Variants in ALX4 observed in about 807,000 individuals in gnomAD.
The protein encoded by ALX4 is homeobox protein aristaless-like 4.
Under a neutral mutation model 40.6 loss-of-function variants are expected in ALX4, and 22 were observed. The observed-to-expected ratio is 0.54, with a 90% CI of 0.39 to 0.77. ALX4 has a LOEUF of 0.77. ALX4 is among the 30% of genes least tolerant of loss of function. ALX4 has a pLI of 0.00. For missense variants in ALX4, 556 were observed against 564.8 expected, an observed-to-expected ratio of 0.98 and a Z score of 0.16; for synonymous variants, 266 against 240.5, an observed-to-expected ratio of 1.11 and a Z score of -0.98.
intron 1 of ALX4, among the ~76,000 whole-genome samples, chr11:44,287,694 T>A (rs568759679): frequency 6.6e-6 from 1 of 151,924 alleles, no homozygotes; most frequent in South Asian, 2.1e-4. Flanking sequence ...TGGGCCCTCC[T>A]GGGGTGGATG....
chr11:44,307,144 A>T (rs1239573659), intron 1 of ALX4, among the ~76,000 whole-genome samples: 4 of 139,178 alleles, frequency 2.9e-5, no homozygotes, highest in Admixed American at 2.8e-4. Flanking sequence ...TCGGAGATAG[A>T]TAGGGATGGA....
intron 1 of ALX4, among the ~76,000 whole-genome samples, chr11:44,285,629 T>C (rs1318965864): frequency 6.6e-6 from 1 of 152,152 alleles, no homozygotes; most frequent in Non-Finnish European, 1.5e-5. Flanking sequence ...ATGGTCATTA[T>C]AGTGTTTTTA....
chr11:44,289,702 C>T (rs1956358636), intron 1 of ALX4, among the ~76,000 whole-genome samples: 1 of 152,108 alleles, frequency 6.6e-6, no homozygotes. Flanking sequence ...CATGAGAAGC[C>T]CATGTATGAT....
chr11:44,266,727 C>T (rs1429427642), intron 3 of ALX4, among the ~76,000 whole-genome samples: 1 of 152,096 alleles, frequency 6.6e-6, no homozygotes, highest in Admixed American at 6.5e-5. Context: ...AGGACTTGGA[C>T]TTGGCCAAAA....
At chr11:44,301,755 C>T (rs1475344482) in intron 1 of ALX4, among the ~76,000 whole-genome samples, 1 of 151,992 alleles carries the variant, frequency 6.6e-6, no homozygotes, top group Non-Finnish European at 1.5e-5. Flanking sequence ...TCCTGCCCTC[C>T]TACTAACCTG....
intron 2 of ALX4, among the ~76,000 whole-genome samples, chr11:44,270,858 A>G (rs1956242407): frequency 6.6e-6 from 1 of 152,210 alleles, no homozygotes; most frequent in Admixed American, 6.5e-5. Flanking sequence ...GGCCTCGCTA[A>G]CCGCAGCCCA....
intron 2 of ALX4, among the ~76,000 whole-genome samples, chr11:44,270,273 C>T (rs771109610): frequency 6.6e-6 from 1 of 152,024 alleles, no homozygotes; most frequent in Non-Finnish European, 1.5e-5. Context: ...GAGCTAGCAC[C>T]GTCTTTGGAA....
At chr11:44,266,147 T>C (rs1265419682) in intron 3 of ALX4, among the ~76,000 whole-genome samples, 1 of 151,966 alleles carries the variant, frequency 6.6e-6, no homozygotes, top group Non-Finnish European at 1.5e-5. Context: ...CTCTCTGCGG[T>C]GCAGGGGAAG....
intron 2 of ALX4, among the ~76,000 whole-genome samples, chr11:44,270,391 C>A (rs1281258031): frequency 6.6e-6 from 1 of 152,050 alleles, no homozygotes; most frequent in Non-Finnish European, 1.5e-5. Context: ...CCTCCTCCCT[C>A]CTTCTTCTCC....
chr11:44,303,687 C>G (rs10838257), intron 1 of ALX4, among the ~76,000 whole-genome samples: 142,808 of 152,246 alleles, frequency 0.94, 67,462 homozygotes, highest in Non-Finnish European at 0.99. Context: ...GGAGAAGCCG[C>G]TCTTTGTTAA....
intron 2 of ALX4, among the ~76,000 whole-genome samples, chr11:44,271,151 C>G (rs921685655): frequency 0.043 from 6 of 140 alleles, no homozygotes; most frequent in Non-Finnish European, 0.091. Flanking sequence ...CCATCACCAC[C>G]CCCTTACCCC....
At chr11:44,308,525 C>A (rs1430924596) in intron 1 of ALX4, among the ~76,000 whole-genome samples, 1 of 152,230 alleles carries the variant, frequency 6.6e-6, no homozygotes, top group East Asian at 1.9e-4. Flanking sequence ...TCCCTTTCTG[C>A]GTCTTTGCTT....
chr11:44,277,725 C>T (rs959949174), intron 1 of ALX4, among the ~76,000 whole-genome samples: 1 of 152,180 alleles, frequency 6.6e-6, no homozygotes, highest in African/African-American at 2.4e-5. Context: ...GTGGCATTCT[C>T]GCCTCCCTCT....
At chr11:44,307,838 C>G (rs1956478323) in intron 1 of ALX4, among the ~76,000 whole-genome samples, 1 of 151,916 alleles carries the variant, frequency 6.6e-6, no homozygotes. Context: ...GTGTGTGGAG[C>G]TGTGTGTGTC....
chr11:44,265,153 CGTT>C lies in ALX4; in HGVS notation c.934_936del (p.Asn312del). Reference sequence around the variant, plus strand: ...CAGGCTGGCACTGGTGAGGCAGCCCCGTTGTTGCCGAGCCAGGACGGGTTCTGA... The same window carrying C: ...CAGGCTGGCACTGGTGAGGCAGCCCCGTTGCCGAGCCAGGACGGGTTCTGA... On this transcript the variant is annotated inframe_deletion, in exon 4 of 4. Transcript: ENST00000652299. 6.2e-7 allele frequency: 1 copy of C among 1,605,576 alleles called. No individual in the cohort carries two copies. Among genetic ancestry groups the C allele is most frequent in the South Asian group, 1.1e-5 (1 of 90,578 alleles).
At chr11:44,282,970 G>C (rs556491524) in intron 1 of ALX4, among the ~76,000 whole-genome samples, 1 of 152,298 alleles carries the variant, frequency 6.6e-6, no homozygotes, top group East Asian at 1.9e-4. Context: ...ACAGCTGGGC[G>C]TGGTGGCTTG....
chr11:44,293,229 C>T (rs1338340898), intron 1 of ALX4, among the ~76,000 whole-genome samples: 1 of 151,362 alleles, frequency 6.6e-6, no homozygotes, highest in Non-Finnish European at 1.5e-5. Flanking sequence ...ATGGTTTTTT[C>T]ATTGACTTCT....
intron 2 of ALX4, among the ~76,000 whole-genome samples, chr11:44,273,499 G>A (rs55942358): frequency 0.085 from 12,945 of 152,168 alleles, 966 homozygotes; most frequent in African/African-American, 0.2. Context: ...ATTGATCCAC[G>A]GATACTTATT....
intron 2 of ALX4, among the ~76,000 whole-genome samples, chr11:44,270,723 A>C (rs1956241498): frequency 6.6e-6 from 1 of 152,054 alleles, no homozygotes; most frequent in South Asian, 2.1e-4. Context: ...AGGACAGCCA[A>C]CCACGAGGTC....
Sources: gnomAD v4.1 joint callset for allele counts (sites outside exome capture counted in the v4.1 genomes callset) on GRCh38, gnomAD v4.1.1 for gene constraint, MANE v1.5 for transcripts, NCBI Gene and HGNC (gene_info 2026-07-23, HGNC 2026-07-21) for gene names.